The following EDRF1 variants were observed in gnomAD, a reference collection of about 807,000 sequenced individuals.
The protein encoded by EDRF1 is erythroid differentiation regulatory factor 1, also known as erythroid differentiation-related factor 1.
A neutral mutation model predicts 148.7 loss-of-function variants in EDRF1; 69 were observed. That is an observed-to-expected ratio of 0.46 (90% confidence interval 0.38 to 0.57). The LOEUF is 0.57. EDRF1 is among the 20% of genes least tolerant of loss of function. The probability of loss-of-function intolerance (pLI) is 0.00; values close to 1 mark genes in which losing one functional copy is unlikely to be tolerated. For missense variants in EDRF1, 1,118 were observed against 1,478.7 expected (o/e 0.76, Z 4.00); for synonymous variants, 515 against 532.8 (o/e 0.97, Z 0.46).
chr10:125,724,741 A>G (rs1397500943), intron 4 of EDRF1, among the ~76,000 whole-genome samples: 1 of 152,170 alleles, frequency 6.6e-6, no homozygotes, highest in African/African-American at 2.4e-5. Context: ...ACATAATAAC[A>G]TTGTTGCAGT....
rs560375801 is a variant in EDRF1 at position 125,745,544 on chromosome 10, T to A, written c.2591-163T>A. On this transcript the variant is annotated intron_variant, in intron 18 of 24. Transcript: ENST00000356792. ...ACTCATATGGACACGTTTACCTTCA[T>A]GTAACAGGCATGGTGAGAGCAATGA... The A allele has an allele frequency of 5.1e-5, 35 of 689,104 alleles. 1 individual carries two copies. The highest frequency in any genetic ancestry group is 7.7e-6 in the Non-Finnish European group (3 of 390,458). 42.7% of individuals were successfully genotyped at this position (689,104 alleles called of 1,614,324 possible).
At position 125,729,003 on chromosome 10, in the gene EDRF1, G is replaced by T. The variant is rs1370051269; in HGVS notation, c.793G>T (p.Gly265Ter). The T allele has an allele frequency of 3.2e-6, 5 of 1,573,472 alleles. No individual in the cohort carries two copies. Among genetic ancestry groups the T allele is most frequent in the East Asian group, 4.5e-5 (2 of 44,086 alleles). Residue 265 changes from glycine (G) to a stop codon, truncating the protein, a stop_gained and splice_region_variant, in exon 7 of 25, where the codon GGA (glycine) becomes TGA (stop). Transcript: ENST00000356792. LOFTEE classifies it high-confidence loss of function. Reference sequence around the variant, plus strand: ...CTCCTTATCCTTGCACTTTTCACAGGGAAGTGAGCCTCTTGAACCCTCATA... The same window carrying T: ...CTCCTTATCCTTGCACTTTTCACAGTGAAGTGAGCCTCTTGAACCCTCATA... ...VSEDPSASSQ[G>*]SEPLEPSYIV...
At position 125,746,168 on chromosome 10, in the gene EDRF1, A is replaced by T. The variant is rs148907642; in HGVS notation, c.2814+238A>T. On this transcript the variant is annotated intron_variant, in intron 19 of 24. Coordinates refer to ENST00000356792, the MANE Select transcript of EDRF1 (RefSeq NM_001202438.2). ...GATTCTGCAAATGGTTTGTACAACGAGCATGAATGTCAAATGGATTAAAGA... is the reference window on the plus strand; with the variant it reads ...GATTCTGCAAATGGTTTGTACAACGTGCATGAATGTCAAATGGATTAAAGA... Among the ~76,000 whole-genome samples the T allele has an allele frequency of 8.5e-5, 13 of 152,358 alleles. No individual in the cohort carries two copies. The East Asian group carries it at 2.5e-3, about 29-fold the overall frequency.
intron 1 of EDRF1, 61 bp downstream of exon 1, chr10:125,719,976 G>A (rs1238467458): frequency 6.8e-7 from 1 of 1,470,896 alleles, no homozygotes; most frequent in Non-Finnish European, 9.4e-7. Context: ...CGCTCCACCG[G>A]GGAGGGATGC....
rs1369478486 is a variant in EDRF1 at position 125,763,135 on chromosome 10, A to G, written c.3546-166A>G. The stretch of plus-strand genomic sequence containing the variant: ...GAAATAAATGTGTAGAAACAGGCCC[A>G]TGAGCAATATGTAAAAGAAGGCAGG... On this transcript the variant is annotated intron_variant, in intron 24 of 24. Coordinates refer to ENST00000356792, the MANE Select transcript of EDRF1 (RefSeq NM_001202438.2). This position sits in a 1 kb window ranked among gnomAD's most constrained non-coding sequence, Gnocchi z 4.3. 2.0e-5 allele frequency among the ~76,000 whole-genome samples: 3 copies of G among 152,226 alleles called. No homozygotes were observed. Among genetic ancestry groups the G allele is most frequent in the African/African-American group, 7.2e-5 (3 of 41,460 alleles).
chr10:125,745,196 A>G (rs1849283317), intron 18 of EDRF1: 1 of 171,990 alleles, frequency 5.8e-6, no homozygotes, highest in Non-Finnish European at 1.3e-5. Context: ...GCTGTAATGA[A>G]ATATCATAGA....
intron 12 of EDRF1, among the ~76,000 whole-genome samples, chr10:125,735,182 T>A (rs1336222440): frequency 7.0e-6 from 1 of 141,896 alleles, no homozygotes. Context: ...ACTTTTCCCT[T>A]TTTAATGTAA....
chr10:125,752,087 G>A (rs1589868280), intron 22 of EDRF1: 1 of 152,242 alleles, frequency 6.6e-6, no homozygotes, highest in Non-Finnish European at 1.5e-5. Context: ...AGGTCAAGCT[G>A]TTACCCTGGG....
chr10:125,744,130 A>G (rs1197767894), intron 18 of EDRF1, among the ~76,000 whole-genome samples: 1 of 152,192 alleles, frequency 6.6e-6, no homozygotes, highest in African/African-American at 2.4e-5. Flanking sequence ...GCCTGGACAC[A>G]GGGACAGAAC....
chr10:125,758,894 AC>A (rs1407081372), intron 24 of EDRF1, among the ~76,000 whole-genome samples: 4 of 151,750 alleles, frequency 2.6e-5, no homozygotes, highest in African/African-American at 9.7e-5. Context: ...CTGCTCCTGC[AC>A]CCCCACCTAA....
At chr10:125,744,233 T>C (rs942706933) in intron 18 of EDRF1, among the ~76,000 whole-genome samples, 3 of 149,700 alleles carry the variant, frequency 2.0e-5, no homozygotes, top group African/African-American at 7.6e-5. Flanking sequence ...TTTTTTTTTT[T>C]TTTGAGACAG....
At chr10:125,736,835 T>C (rs1848761809) in intron 13 of EDRF1, among the ~76,000 whole-genome samples, 1 of 151,946 alleles carries the variant, frequency 6.6e-6, no homozygotes, top group Non-Finnish European at 1.5e-5. Context: ...TTGACTGAAA[T>C]GTTGCCTCTT....
chr10:125,734,640 A>C (rs1368421239), intron 12 of EDRF1, among the ~76,000 whole-genome samples: 1 of 152,106 alleles, frequency 6.6e-6, no homozygotes, highest in Non-Finnish European at 1.5e-5. Context: ...CACTTTGTTA[A>C]TATAAATAGG....
At chr10:125,733,206 T>G (rs562175636) in intron 9 of EDRF1, among the ~76,000 whole-genome samples, 198 bp from the exon 10 acceptor site, 2 of 152,294 alleles carry the variant, frequency 1.3e-5, no homozygotes, top group African/African-American at 4.8e-5. Context: ...AATAGTGAAC[T>G]GCCCTTGCTG....
At chr10:125,738,166 G>C (rs1025894169) in intron 14 of EDRF1, 129 bp from the exon 15 acceptor site, 1 of 1,402,268 alleles carries the variant, frequency 7.1e-7, no homozygotes, top group African/African-American at 1.4e-5. Flanking sequence ...ATCAAACATA[G>C]TTTTTGAAAG....
chr10:125,739,634 T>A (rs1359429516), intron 15 of EDRF1, among the ~76,000 whole-genome samples: 2 of 152,234 alleles, frequency 1.3e-5, no homozygotes, highest in African/African-American at 4.8e-5. Flanking sequence ...TAAACCATAA[T>A]GAAGACTAAG....
intron 12 of EDRF1, among the ~76,000 whole-genome samples, chr10:125,734,476 A>G (rs866794792): frequency 2.7e-4 from 41 of 152,144 alleles, no homozygotes; most frequent in Non-Finnish European, 4.9e-4. Context: ...CACAGATTCT[A>G]CTTTTTAAAT....
chr10:125,759,796 C>T (rs767602856), intron 24 of EDRF1, among the ~76,000 whole-genome samples: 4 of 151,996 alleles, frequency 2.6e-5, no homozygotes, highest in Middle Eastern at 3.2e-3. Context: ...CTGCAAGCTC[C>T]GCCTCCCAGG....
At chr10:125,738,523 A>G (rs1490061809) in intron 15 of EDRF1, 78 bp downstream of exon 15, 10 of 1,545,682 alleles carry the variant, frequency 6.5e-6, no homozygotes, top group Non-Finnish European at 8.9e-6. Context: ...ACTTATGTCA[A>G]TTAAGGCATT....
Sources: gnomAD v4.1 joint callset for allele counts (sites outside exome capture counted in the v4.1 genomes callset) on GRCh38, gnomAD v4.1.1 for gene constraint, Gnocchi (gnomAD v3.1) non-coding constraint, MANE v1.5 for transcripts, NCBI Gene and HGNC (gene_info 2026-07-23, HGNC 2026-07-21) for gene names.